Variants in GRM5 observed in about 807,000 individuals in gnomAD.
GRM5 encodes the protein metabotropic glutamate receptor 5.
GRM5 carries 19 observed loss-of-function variants against 83.1 expected under a neutral mutation model. The observed-to-expected ratio is 0.23, with a 90% CI of 0.16 to 0.34. GRM5 has a LOEUF of 0.34. Ranked by LOEUF, GRM5 falls within the 10% of genes least tolerant of loss-of-function variation. The pLI, the probability that GRM5 is intolerant of heterozygous loss-of-function variation, is 1.00. For synonymous variants in GRM5, 675 were observed against 633.6 expected (o/e 1.07, Z -0.98); for missense variants, 1,160 against 1,588.3 (o/e 0.73, Z 4.58).
chr11:88,961,776 T>A (rs1232744504), intron 2 of GRM5, among the ~76,000 whole-genome samples: 1 of 152,198 alleles, frequency 6.6e-6, no homozygotes, highest in Non-Finnish European at 1.5e-5. Context: ...AATCCTTTTA[T>A]GCATGTGGCC....
intron 2 of GRM5, among the ~76,000 whole-genome samples, chr11:88,908,599 C>T (rs1400620824): frequency 6.6e-6 from 1 of 152,006 alleles, no homozygotes; most frequent in Non-Finnish European, 1.5e-5. Context: ...AGTAGTATGG[C>T]CTTAAGTTCT....
At chr11:88,654,838 A>G (rs1452032627) in intron 3 of GRM5, among the ~76,000 whole-genome samples, 1 of 152,136 alleles carries the variant, frequency 6.6e-6, no homozygotes, top group Non-Finnish European at 1.5e-5. Context: ...GTGCCGAGAA[A>G]GTATTATGTA....
chr11:88,767,272 T>C (rs1286938924), intron 3 of GRM5, among the ~76,000 whole-genome samples: 1 of 151,978 alleles, frequency 6.6e-6, no homozygotes, highest in Non-Finnish European at 1.5e-5. Flanking sequence ...GTGTGTCAAT[T>C]CCTCAAATAA....
At chr11:88,623,349 TGAACTCCTGACCTCAG>T (rs1938696007) in intron 4 of GRM5, among the ~76,000 whole-genome samples, 1 of 152,092 alleles carries the variant, frequency 6.6e-6, no homozygotes, top group African/African-American at 2.4e-5. Flanking sequence ...AGTCTGGTCT[TGAACTCCTGACCTCAG>T]GTGACCCGCC....
intron 3 of GRM5, among the ~76,000 whole-genome samples, chr11:88,804,513 A>C (rs1249288683): frequency 6.6e-6 from 1 of 151,728 alleles, no homozygotes; most frequent in Non-Finnish European, 1.5e-5. Flanking sequence ...AGGAAGGGGA[A>C]CATCACACTC....
chr11:88,810,303 G>A (rs984559700), intron 3 of GRM5, among the ~76,000 whole-genome samples: 1 of 152,038 alleles, frequency 6.6e-6, no homozygotes, highest in African/African-American at 2.4e-5. Context: ...ACTTGGGCTG[G>A]CTCTTGAAAA....
intron 2 of GRM5, among the ~76,000 whole-genome samples, chr11:88,878,727 A>T (rs995428422): frequency 2.0e-5 from 3 of 152,214 alleles, no homozygotes; most frequent in African/African-American, 7.2e-5. Flanking sequence ...AGTGTAGTTC[A>T]TCCATACAAT....
chr11:88,875,256 C>A (rs539066550), intron 2 of GRM5, among the ~76,000 whole-genome samples: 66 of 152,098 alleles, frequency 4.3e-4, no homozygotes, highest in African/African-American at 1.5e-3. Context: ...AGGCTCACAG[C>A]ATCTTTGCTG....
At chr11:88,582,995 T>C (rs1485002778) in intron 7 of GRM5, among the ~76,000 whole-genome samples, 1 of 152,034 alleles carries the variant, frequency 6.6e-6, no homozygotes, top group East Asian at 1.9e-4. Flanking sequence ...CATTCAACTG[T>C]AGAATAATAA....
In GRM5 at chr11:88,924,147, T is replaced by A. The variant is rs137870812; in HGVS notation, c.662-73992A>T. Among the ~76,000 whole-genome samples, 231 of 120,204 alleles carry A rather than the reference T, an allele frequency of 1.9e-3. 1 individual carries two copies. The highest frequency in any genetic ancestry group is 5.9e-3 in the African/African-American group (187 of 31,470). The allele number at this position is 120,204 out of a possible 152,430, so 78.9% of individuals were successfully genotyped here. A position where few individuals can be genotyped will look rare whatever the true frequency, so the allele number is the denominator to read the frequency against. ...TATAGCTATAATCAAAAAAAAAAAA[T>A]AAGAAATAATCATTGTTAGCCAGGG... On this transcript the variant is annotated intron_variant, in intron 2 of 9. Coordinates refer to ENST00000305447, the MANE Select transcript of GRM5 (RefSeq NM_001143831.3).
intron 2 of GRM5, among the ~76,000 whole-genome samples, chr11:88,950,418 C>G (rs188121040): frequency 0.011 from 1,662 of 148,486 alleles, 27 homozygotes; most frequent in African/African-American, 0.039. Flanking sequence ...TCAAAAAGAG[C>G]AAGACAATAC....
At chr11:88,784,856 A>G (rs929782779) in intron 3 of GRM5, among the ~76,000 whole-genome samples, 3 of 152,016 alleles carry the variant, frequency 2.0e-5, no homozygotes, top group Non-Finnish European at 2.9e-5. Flanking sequence ...ACATGTTGCA[A>G]ATGTTTAACT....
chr11:88,615,432 T>C (rs79300067), intron 4 of GRM5, among the ~76,000 whole-genome samples: 4,856 of 152,254 alleles, frequency 0.032, 239 homozygotes, highest in Admixed American at 0.14. Context: ...CTTCAAGTCA[T>C]AGAAATCCAA....
At chr11:88,651,851 A>C (rs1939640808) in intron 4 of GRM5, among the ~76,000 whole-genome samples, 1 of 152,086 alleles carries the variant, frequency 6.6e-6, no homozygotes, top group Non-Finnish European at 1.5e-5. Flanking sequence ...AAGCAATTAC[A>C]TTTAAAAACA....
chr11:89,022,620 C>G (rs1941015357), intron 2 of GRM5, among the ~76,000 whole-genome samples: 1 of 152,140 alleles, frequency 6.6e-6, no homozygotes, highest in Non-Finnish European at 1.5e-5. Flanking sequence ...CCACTGCACT[C>G]TAGCCTGTGT....
intron 9 of GRM5, among the ~76,000 whole-genome samples, chr11:88,513,932 G>C (rs576000974): frequency 1.4e-5 from 1 of 73,354 alleles, no homozygotes; most frequent in Non-Finnish European, 2.8e-5. Flanking sequence ...TTTAGGCTGA[G>C]ATTTTTTTTT....
At chr11:88,696,171 C>G (rs1940896932) in intron 3 of GRM5, among the ~76,000 whole-genome samples, 2 of 152,104 alleles carry the variant, frequency 1.3e-5, no homozygotes, top group South Asian at 4.1e-4. Context: ...AGTCCGATTG[C>G]CCAGCGGTAG....
chr11:88,987,697 T>A (rs1211011491), intron 2 of GRM5, among the ~76,000 whole-genome samples: 2 of 152,200 alleles, frequency 1.3e-5, no homozygotes, highest in African/African-American at 4.8e-5. Flanking sequence ...AGTGGATCCC[T>A]GACCCCTGAC....
chr11:88,991,354 A>T (rs1181737506), intron 2 of GRM5, among the ~76,000 whole-genome samples: 2 of 152,040 alleles, frequency 1.3e-5, no homozygotes, highest in African/African-American at 4.8e-5. Context: ...TGCTCAAGGA[A>T]ATAAAAGAGG....
Sources: allele counts gnomAD v4.1 joint callset (sites outside exome capture counted in the v4.1 genomes callset), GRCh38; gene constraint gnomAD v4.1.1; transcripts MANE v1.5; gene names NCBI Gene and HGNC (gene_info 2026-07-23, HGNC 2026-07-21).